ABCA9: variants seen among roughly 807,000 people sequenced by gnomAD.
ABCA9 encodes the protein ATP binding cassette subfamily A member 9.
In ABCA9, 183 loss-of-function variants were observed where a neutral mutation model predicts 205.3. That is an observed-to-expected ratio of 0.89 (90% CI 0.79 to 1.01). The LOEUF (loss-of-function observed/expected upper bound fraction) is 1.01, where lower values mean the gene tolerates loss of function less well. Ranked by LOEUF, ABCA9 falls within the 50% of genes least tolerant of loss-of-function variation. ABCA9 has a pLI of 0.00. For synonymous variants in ABCA9, 651 were observed against 683.3 expected, an observed-to-expected ratio of 0.95 and a Z score of 0.74; for missense variants, 1,805 against 1,912.4, an observed-to-expected ratio of 0.94 and a Z score of 1.05.
chr17:69,077,168 C>T, the ABCA9 span, among the ~76,000 whole-genome samples: 1 of 152,196 alleles, frequency 6.6e-6, no homozygotes, highest in Admixed American at 6.5e-5. Flanking sequence ...TCCCTCTTAC[C>T]ACTGCTTTTG....
rs1293166752 is a variant in ABCA9 at position 69,027,332 on chromosome 17, G to A, written c.1909C>T (p.Gln637Ter). ...TFGIAILGDP[Q>*]VLLLDEPTAG... ...CCAGTAATTTTTGTTTGACTTACTTGAGGATCTCCTAAAATGGCAATCCCA... is the reference window on the plus strand; with the variant it reads ...CCAGTAATTTTTGTTTGACTTACTTAAGGATCTCCTAAAATGGCAATCCCA... The change falls in exon 14 of 39, where the codon CAA becomes TAA. Residue 637 changes from glutamine (Q) to a stop codon, truncating the protein, a stop_gained and splice_region_variant. Transcript: ENST00000340001. LOFTEE classifies it high-confidence loss of function. 1.9e-6 allele frequency: 3 copies of A among 1,612,494 alleles called. No individual in the cohort carries two copies. Among genetic ancestry groups the A allele is most frequent in the Non-Finnish European group, 2.5e-6 (3 of 1,179,366 alleles).
intron 2 of ABCA9, among the ~76,000 whole-genome samples, chr17:69,050,448 G>A (rs1236725147): frequency 6.6e-6 from 1 of 151,896 alleles, no homozygotes; most frequent in Non-Finnish European, 1.5e-5. Flanking sequence ...ATATTTTTCT[G>A]AGTTTACTAA....
At chr17:69,026,696 G>T (rs998659123) in intron 15 of ABCA9, among the ~76,000 whole-genome samples, 1 of 152,074 alleles carries the variant, frequency 6.6e-6, no homozygotes, top group African/African-American at 2.4e-5. Flanking sequence ...ACATTTAAAG[G>T]ATCTGTTTCA....
intron 34 of ABCA9, 95 bp from the exon 35 acceptor site, chr17:68,984,270 T>C: frequency 6.5e-7 from 1 of 1,539,690 alleles, no homozygotes; most frequent in Middle Eastern, 1.8e-4. Flanking sequence ...AGATGAAACA[T>C]GCAGCGAATT....
chr17:69,023,282 A>G lies in ABCA9; in HGVS notation c.2281+932T>C, dbSNP rs961853313. 6.6e-6 allele frequency: 1 copy of G among 152,192 alleles called. No individual in the cohort carries two copies. Among genetic ancestry groups the G allele is most frequent in the Non-Finnish European group, 1.5e-5 (1 of 68,022 alleles). 9.4% of individuals were successfully genotyped at this position (152,192 alleles called of 1,614,324 possible). On this transcript the variant is annotated intron_variant, in intron 17 of 38. Transcript: ENST00000340001. This position sits in a 1 kb window ranked among gnomAD's most constrained non-coding sequence, Gnocchi z 4.2. Reference sequence around the variant, plus strand: ...CAGGTATTGTTCCAGTGCTTTATTTATATTTAATATTTCAATACATTTGAA... The same window carrying G: ...CAGGTATTGTTCCAGTGCTTTATTTGTATTTAATATTTCAATACATTTGAA...
intron 1 of ABCA9, chr17:69,051,708 A>C (rs1377050263): frequency 6.6e-6 from 1 of 152,366 alleles, no homozygotes; most frequent in Non-Finnish European, 1.5e-5. Context: ...ATTCAGGAGC[A>C]CTGGATTGGC....
chr17:69,005,578 G>A (rs1182044757), intron 25 of ABCA9, among the ~76,000 whole-genome samples: 1 of 152,234 alleles, frequency 6.6e-6, no homozygotes, highest in Non-Finnish European at 1.5e-5. Context: ...GAGGATGGAA[G>A]TAGACTTAGG....
chr17:68,978,965 G>C (rs1401671077), intron 37 of ABCA9, among the ~76,000 whole-genome samples: 1 of 151,824 alleles, frequency 6.6e-6, no homozygotes, highest in Non-Finnish European at 1.5e-5. Context: ...GGAAATAAAG[G>C]GTATTCAATT....
At chr17:69,005,054 A>G (rs1025130441) in intron 25 of ABCA9, among the ~76,000 whole-genome samples, 2 of 152,170 alleles carry the variant, frequency 1.3e-5, no homozygotes, top group East Asian at 3.9e-4. Context: ...CCGCTACCTC[A>G]GATGGAAATG....
chr17:69,063,428 A>G (rs2072303723), upstream of ABCA9, among the ~76,000 whole-genome samples: 1 of 152,204 alleles, frequency 6.6e-6, no homozygotes, highest in Admixed American at 6.5e-5. Flanking sequence ...CCTGATCTGT[A>G]AAGAGAGAAG....
chr17:69,050,909 T>G, intron 2 of ABCA9, 122 bp downstream of exon 2: 2 of 777,108 alleles, frequency 2.6e-6, no homozygotes, highest in Non-Finnish European at 3.6e-6. Flanking sequence ...AAAAAAAATC[T>G]AGCTTGTTAA....
chr17:69,071,886 T>C, the ABCA9 span, among the ~76,000 whole-genome samples: 3 of 152,260 alleles, frequency 2.0e-5, no homozygotes, highest in East Asian at 5.8e-4. Context: ...ATAACCAGTT[T>C]AGAGAAGAAC....
intron 22 of ABCA9, among the ~76,000 whole-genome samples, chr17:69,014,195 C>T (rs2070491616): frequency 6.6e-6 from 1 of 152,022 alleles, no homozygotes; most frequent in Non-Finnish European, 1.5e-5. Context: ...CTGAAATGCT[C>T]CAAAATTCAA....
the ABCA9 span, among the ~76,000 whole-genome samples, chr17:69,067,953 C>T: frequency 3.3e-5 from 5 of 152,188 alleles, no homozygotes; most frequent in African/African-American, 1.2e-4. Context: ...AACAGAAACA[C>T]TGGGAAATCT....
At chr17:69,011,813 T>C (rs1212478957) in intron 23 of ABCA9, 163 bp downstream of exon 23, 1 of 488,782 alleles carries the variant, frequency 2.0e-6, no homozygotes, top group Non-Finnish European at 3.6e-6. Flanking sequence ...TTCAGAAAGA[T>C]AGCATTTTCT....
In ABCA9 at chr17:69,021,802, TG is replaced by T. The variant is rs769064534; in HGVS notation, c.2340del (p.Ile781Ter). 3.1e-6 allele frequency: 5 copies of T among 1,598,082 alleles called. No homozygotes were observed. In the East Asian group the frequency reaches 1.1e-4, roughly 36 times the overall value. On this transcript the variant is annotated frameshift_variant, in exon 18 of 39. Coordinates refer to ENST00000340001, the MANE Select transcript of ABCA9 (RefSeq NM_080283.4). LOFTEE classifies it high-confidence loss of function. ...SNQGIEDYGV[S>X]ITTLNEVFLK... ...AGAAACACCTCATTCAAAGTTGTTA[TG>T]GAAACACCATAATCCTCAATGCCTT... is the stretch of plus-strand genomic sequence containing the variant.
intron 32 of ABCA9, among the ~76,000 whole-genome samples, chr17:68,985,643 C>A: frequency 6.6e-6 from 1 of 151,530 alleles, no homozygotes; most frequent in Non-Finnish European, 1.5e-5. Context: ...AAACAAAAAC[C>A]AAGAATAATC....
At chr17:69,058,241 T>C (rs966305420) in intron 1 of ABCA9, among the ~76,000 whole-genome samples, 4 of 152,156 alleles carry the variant, frequency 2.6e-5, no homozygotes, top group East Asian at 1.9e-4. Flanking sequence ...TTTGGTGCCA[T>C]GTTGAACAGG....
At position 69,008,214 on chromosome 17, in the gene ABCA9, G is replaced by A. The variant is rs766823070; in HGVS notation, c.3169C>T (p.Arg1057Trp). The A allele has an allele frequency of 9.3e-6, 15 of 1,613,080 alleles. No individual in the cohort carries two copies. The highest frequency in any genetic ancestry group is 1.6e-4 in the Middle Eastern group (1 of 6,080). ...GCAGAAGGGTAGAGGCCTGAAATCC[G>A]TAGCTGGGAATGAGCTTTTTTCTGA... Reference protein sequence around the residue: ...DYKKKAHSQLRISGLYPSAYW... With the variant: ...DYKKKAHSQLWISGLYPSAYW... The change falls in exon 24 of 39, where the codon CGG (arginine) becomes TGG (tryptophan). Residue 1057 changes from arginine (R) to tryptophan (W), a missense_variant. Physicochemically the swap from Arg to Trp is moderately radical, Grantham distance 101 (BLOSUM62 -3). Transcript: ENST00000340001.
Sources: allele counts gnomAD v4.1 joint callset (sites outside exome capture counted in the v4.1 genomes callset), GRCh38; gene constraint gnomAD v4.1.1; non-coding constraint Gnocchi (gnomAD v3.1); transcripts MANE v1.5; gene names NCBI Gene and HGNC (gene_info 2026-07-23, HGNC 2026-07-21).